Variants in CACNA1I observed in about 807,000 individuals in gnomAD.
The protein encoded by CACNA1I is voltage-dependent T-type calcium channel subunit alpha-1I.
CACNA1I carries 74 observed loss-of-function variants against 201.6 expected under a neutral mutation model. That is an observed-to-expected ratio of 0.37 (90% confidence interval 0.30 to 0.45). The LOEUF (loss-of-function observed/expected upper bound fraction) is 0.45, where lower values mean the gene tolerates loss of function less well. Among genes scored for constraint, CACNA1I ranks in the 20% least tolerant of loss-of-function variants. CACNA1I has a pLI of 1.00. For synonymous variants in CACNA1I, 1,431 were observed against 1,345.2 expected, an observed-to-expected ratio of 1.06 and a Z score of -1.40; for missense variants, 2,346 against 3,138.1, an observed-to-expected ratio of 0.75 and a Z score of 6.03.
chr22:39,600,457 A>C, intron 2 of CACNA1I, 63 bp from the exon 3 acceptor site: 1 of 1,438,170 alleles, frequency 7.0e-7, no homozygotes, highest in Non-Finnish European at 9.7e-7. Context: ...CTGTGGCTGC[A>C]ACCCCTGGGC....
intron 4 of CACNA1I, 31 bp downstream of exon 4, chr22:39,619,438 C>G (rs371723205): frequency 1.5e-5 from 23 of 1,542,066 alleles, no homozygotes; most frequent in Non-Finnish European, 2.0e-5. Flanking sequence ...CCACACATTC[C>G]TGGCTGATCC....
chr22:39,685,825 C>T lies in CACNA1I; in HGVS notation c.6092C>T (p.Thr2031Met). The T allele has an allele frequency of 8.0e-6, 12 of 1,495,118 alleles. No homozygotes were observed. Among genetic ancestry groups the T allele is most frequent in the Non-Finnish European group, 1.1e-5 (12 of 1,129,936 alleles). 92.6% of individuals were successfully genotyped at this position (1,495,118 alleles called of 1,614,324 possible). A position where few individuals can be genotyped will look rare whatever the true frequency, so the allele number is the denominator to read the frequency against. The change falls in exon 37 of 37, where the codon ACG becomes ATG. Residue 2031 changes from threonine to methionine, a missense_variant. Coordinates refer to ENST00000402142, the MANE Select transcript of CACNA1I (RefSeq NM_021096.4). This position sits in a 1 kb window ranked among gnomAD's most constrained non-coding sequence, Gnocchi z 5.0. ...PSSSAGSLQTTLEDSLTLSDS... is the reference protein window; with the variant it reads ...PSSSAGSLQTMLEDSLTLSDS... ...AGCTCCGCGGGCAGCCTGCAGACCACGCTCGAGGACAGCCTGACCCTGAGC... is the reference window on the plus strand; with the variant it reads ...AGCTCCGCGGGCAGCCTGCAGACCATGCTCGAGGACAGCCTGACCCTGAGC...
chr22:39,613,782 G>T (rs1386136507), intron 3 of CACNA1I, among the ~76,000 whole-genome samples: 1 of 152,238 alleles, frequency 6.6e-6, no homozygotes, highest in Non-Finnish European at 1.5e-5. Flanking sequence ...TGGGAGAGGG[G>T]GCAGGTCACA....
intron 23 of CACNA1I, among the ~76,000 whole-genome samples, chr22:39,667,691 A>G (rs1180137705): frequency 6.6e-6 from 1 of 152,068 alleles, no homozygotes; most frequent in African/African-American, 2.4e-5. Context: ...GTGTTCTGGG[A>G]ACCACCTCCT....
chr22:39,654,889 T>C (rs1268958419), intron 10 of CACNA1I, among the ~76,000 whole-genome samples: 1 of 152,108 alleles, frequency 6.6e-6, no homozygotes, highest in African/African-American at 2.4e-5. Flanking sequence ...CAGGAGGACC[T>C]TGGAGCTGGT....
intron 1 of CACNA1I, among the ~76,000 whole-genome samples, chr22:39,580,645 G>A (rs1321788920): frequency 6.6e-6 from 1 of 152,198 alleles, no homozygotes; most frequent in Non-Finnish European, 1.5e-5. Context: ...CTGGAACCAT[G>A]TGGGGCAGGG....
Position 39,685,476 on chromosome 22 carries a change from C to T in CACNA1I, c.6028-285C>T, listed in dbSNP as rs957184673. On this transcript the variant is annotated intron_variant, in intron 36 of 36. Coordinates refer to ENST00000402142, the MANE Select transcript of CACNA1I (RefSeq NM_021096.4). The surrounding 1 kb of genome is among the most constrained non-coding windows in gnomAD (Gnocchi z 5.0). Reference sequence around the variant, plus strand: ...GTGCCCTGGGGGAGGGCGGTGGGCCCAGGGCTTCCCCTTGGAGTGAGCCTG... The same window carrying T: ...GTGCCCTGGGGGAGGGCGGTGGGCCTAGGGCTTCCCCTTGGAGTGAGCCTG... Among the ~76,000 whole-genome samples the T allele has an allele frequency of 1.1e-4, 17 of 151,346 alleles. No homozygotes were observed. Among genetic ancestry groups the T allele is most frequent in the African/African-American group, 3.9e-4 (16 of 41,186 alleles).
At chr22:39,668,187 C>T (rs943583444) in intron 23 of CACNA1I, 105 bp from the exon 24 acceptor site, 5 of 693,972 alleles carry the variant, frequency 7.2e-6, no homozygotes, top group South Asian at 7.0e-5. Context: ...CCTCTTTGTC[C>T]CTCTGCCTCC....
chr22:39,648,037 G>C lies in CACNA1I; in HGVS notation c.1567+111G>C, dbSNP rs1241209052. On this transcript the variant is annotated intron_variant, in intron 9 of 36. Coordinates refer to ENST00000402142, the MANE Select transcript of CACNA1I (RefSeq NM_021096.4). This position sits in a 1 kb window ranked among gnomAD's most constrained non-coding sequence, Gnocchi z 5.4. ...ATGGGGACGGCGCTTGAGCAGCCGC[G>C]ACCCTCTGCAGGCCTGTCTCCCTCT... 3 of 926,154 alleles carry C rather than the reference G, an allele frequency of 3.2e-6. No homozygotes were observed. Among genetic ancestry groups the C allele is most frequent in the East Asian group, 2.6e-5 (1 of 38,392 alleles). The allele number at this position is 926,154 out of a possible 1,614,324, so 57.4% of individuals were successfully genotyped here. A position where few individuals can be genotyped will look rare whatever the true frequency, so the allele number is the denominator to read the frequency against.
At chr22:39,587,403 T>C (rs1932766934) in intron 1 of CACNA1I, among the ~76,000 whole-genome samples, 1 of 152,170 alleles carries the variant, frequency 6.6e-6, no homozygotes, top group Non-Finnish European at 1.5e-5. Flanking sequence ...CCTGGGACCA[T>C]CTGCCTGGCA....
intron 1 of CACNA1I, among the ~76,000 whole-genome samples, chr22:39,589,581 T>G (rs1019770911): frequency 6.6e-6 from 1 of 152,228 alleles, no homozygotes; most frequent in Non-Finnish European, 1.5e-5. Flanking sequence ...CACGGGCACC[T>G]TCCAGGAAGG....
intron 8 of CACNA1I, 149 bp from the exon 9 acceptor site, chr22:39,647,673 C>T: frequency 1.6e-6 from 1 of 607,112 alleles, no homozygotes; most frequent in Non-Finnish European, 3.0e-6. Context: ...CTTGGCCTCC[C>T]AAAGTGCTAG....
At chr22:39,600,911 C>T (rs185750822) in intron 3 of CACNA1I, among the ~76,000 whole-genome samples, 36 of 152,282 alleles carry the variant, frequency 2.4e-4, no homozygotes, top group African/African-American at 7.9e-4. Context: ...GAGCCACTGA[C>T]GCTCTCTAAG....
intron 1 of CACNA1I, 55 bp from the exon 2 acceptor site, chr22:39,598,096 C>G (rs956396137): frequency 2.8e-6 from 3 of 1,074,448 alleles, no homozygotes; most frequent in Admixed American, 4.0e-5. Flanking sequence ...CTAGGGTGCA[C>G]CCCAGCCCCC....
chr22:39,642,850 C>T lies in CACNA1I; in HGVS notation c.1110C>T (p.His370=), dbSNP rs746788319. 1.6e-5 allele frequency: 26 copies of T among 1,611,102 alleles called. 1 individual carries two copies. The South Asian group carries it at 2.9e-4, about 18-fold the overall frequency. ...VEIMYYVMDA[H]SFYNFIYFIL... ...TCATGTACTACGTGATGGATGCTCA[C>T]TCCTTCTACAACTTCATCTACTTCA... Residue 370 remains histidine (H), a synonymous_variant, in exon 7 of 37, where the codon CAC becomes CAT. Transcript: ENST00000402142.
At chr22:39,623,640 CTGTGTG>C (rs1169880217) in intron 4 of CACNA1I, among the ~76,000 whole-genome samples, 1 of 134,126 alleles carries the variant, frequency 7.5e-6, no homozygotes, top group Admixed American at 7.6e-5. Flanking sequence ...GTGTGTGTGC[CTGTGTG>C]TGTATGTGTG....
intron 3 of CACNA1I, among the ~76,000 whole-genome samples, chr22:39,611,706 A>C (rs564021720): frequency 5.9e-5 from 9 of 152,244 alleles, no homozygotes; most frequent in Non-Finnish European, 8.8e-5. Flanking sequence ...TTATCTGGCA[A>C]CTCTACCCAG....
chr22:39,631,638 C>G (rs190927655), intron 4 of CACNA1I, among the ~76,000 whole-genome samples: 153 of 151,964 alleles, frequency 1.0e-3, no homozygotes, highest in Admixed American at 2.0e-3. Context: ...TTGCAGGCAG[C>G]CTCTCCGCTC....
At chr22:39,586,493 A>AAAATAAAT (rs368933585) in intron 1 of CACNA1I, among the ~76,000 whole-genome samples, 3,080 of 151,170 alleles carry the variant, frequency 0.02, 105 homozygotes, top group African/African-American at 0.07. Flanking sequence ...CTCCGTCTCT[A>AAAATAAAT]AAATAAATAA....
Sources: gnomAD v4.1 joint callset for allele counts (sites outside exome capture counted in the v4.1 genomes callset) on GRCh38, gnomAD v4.1.1 for gene constraint, Gnocchi (gnomAD v3.1) non-coding constraint, MANE v1.5 for transcripts, NCBI Gene and HGNC (gene_info 2026-07-23, HGNC 2026-07-21) for gene names.